SMCHD1: variants seen among roughly 807,000 people sequenced by gnomAD.
SMCHD1 encodes the protein structural maintenance of chromosomes flexible hinge domain containing 1.
SMCHD1 carries 78 observed loss-of-function variants against 254.7 expected under a neutral mutation model. The ratio of observed to expected loss-of-function variants is 0.31; its 90% CI spans 0.26 to 0.37. The LOEUF (loss-of-function observed/expected upper bound fraction) is 0.37, where lower values mean the gene tolerates loss of function less well. Among genes scored for constraint, SMCHD1 ranks in the 10% least tolerant of loss-of-function variants. The pLI is 1.00. For synonymous variants in SMCHD1, 766 were observed against 794.9 expected, an observed-to-expected ratio of 0.96 and a Z score of 0.61; for missense variants, 1,840 against 2,408.1, an observed-to-expected ratio of 0.76 and a Z score of 4.94.
At chr18:2,658,261 C>T (rs183135434) in intron 1 of SMCHD1, among the ~76,000 whole-genome samples, 172 of 152,246 alleles carry the variant, frequency 1.1e-3, no homozygotes, top group African/African-American at 4.0e-3. Context: ...TGCACTATTT[C>T]CCTCTCGTGA....
intron 29 of SMCHD1, among the ~76,000 whole-genome samples, chr18:2,744,940 TTCAAGCGATTA>T (rs1392942468): frequency 1.3e-5 from 2 of 152,080 alleles, no homozygotes; most frequent in Admixed American, 6.6e-5. Context: ...ACCTCCTGGG[TTCAAGCGATTA>T]TCCTGCCTCA....
At chr18:2,784,022 G>A (rs956507745) in intron 44 of SMCHD1, among the ~76,000 whole-genome samples, 13 of 152,096 alleles carry the variant, frequency 8.5e-5, no homozygotes, top group Non-Finnish European at 1.8e-4. Flanking sequence ...AGTCAGTCTA[G>A]TGCTTTCCAG....
Position 2,803,005 on chromosome 18 carries a change from T to TC in SMCHD1, c.*454dup, listed in dbSNP as rs2076391457. On this transcript the variant is annotated 3_prime_UTR_variant, in exon 48 of 48. Coordinates refer to ENST00000320876, the MANE Select transcript of SMCHD1 (RefSeq NM_015295.3). ...GTTTTGTCTTTTGTGTAAGGGAGGTTCTAGAGGCTAGATGTTTAATTGTAA... is the reference window on the plus strand; with the variant it reads ...GTTTTGTCTTTTGTGTAAGGGAGGTTCCTAGAGGCTAGATGTTTAATTGTAA... 6.6e-6 allele frequency: 1 copy of TC among 152,260 alleles called. No homozygotes were observed. Among genetic ancestry groups the TC allele is most frequent in the South Asian group, 2.1e-4 (1 of 4,826 alleles). 9.4% of individuals were successfully genotyped at this position (152,260 alleles called of 1,614,324 possible).
intron 17 of SMCHD1, among the ~76,000 whole-genome samples, chr18:2,716,632 T>C (rs914490079): frequency 2.0e-5 from 3 of 152,124 alleles, no homozygotes; most frequent in Non-Finnish European, 2.9e-5. Context: ...TGCAAGGCAG[T>C]TCTCAGGCCC....
chr18:2,735,849 TCA>T (rs1293813343), intron 25 of SMCHD1, among the ~76,000 whole-genome samples: 1 of 152,216 alleles, frequency 6.6e-6, no homozygotes, highest in Non-Finnish European at 1.5e-5. Context: ...ATCTACAGAT[TCA>T]GTGTTGTTCC....
chr18:2,751,762 G>A (rs2075577111), intron 33 of SMCHD1, among the ~76,000 whole-genome samples: 1 of 151,860 alleles, frequency 6.6e-6, no homozygotes, highest in Non-Finnish European at 1.5e-5. Context: ...AGAGTTAGAG[G>A]GTCTAGAACA....
intron 47 of SMCHD1, among the ~76,000 whole-genome samples, chr18:2,798,262 T>C (rs991539972): frequency 6.6e-6 from 1 of 152,234 alleles, no homozygotes; most frequent in African/African-American, 2.4e-5. Context: ...TTTAAGTTCA[T>C]TGATATCTCT....
intron 2 of SMCHD1, 103 bp downstream of exon 2, chr18:2,666,335 CTT>C (rs1404383613): frequency 1.8e-6 from 1 of 571,124 alleles, no homozygotes; most frequent in South Asian, 2.6e-5. Context: ...CTGTTGATGA[CTT>C]TTGTTAATTT....
At chr18:2,662,501 C>T (rs577180869) in intron 1 of SMCHD1, among the ~76,000 whole-genome samples, 127 of 151,338 alleles carry the variant, frequency 8.4e-4, no homozygotes, top group Non-Finnish European at 1.2e-3. Context: ...AAAAATTAGC[C>T]AGGTGTGGTG....
rs533052519 is a variant in SMCHD1 at position 2,745,925 on chromosome 18, C to A, written c.3802-1597C>A. On this transcript the variant is annotated intron_variant, in intron 29 of 47. Coordinates refer to ENST00000320876, the MANE Select transcript of SMCHD1 (RefSeq NM_015295.3). ...CTAATTTAATTGCTGACCCACCTTC[C>A]CCCTGATAGGATCTGTGCAGAGAGG... Among the ~76,000 whole-genome samples the A allele has an allele frequency of 2.0e-5, 3 of 152,210 alleles. No individual in the cohort carries two copies. The East Asian group carries it at 5.8e-4, about 29-fold the overall frequency.
At chr18:2,696,214 T>G (rs879779048) in intron 8 of SMCHD1, among the ~76,000 whole-genome samples, 14 of 152,138 alleles carry the variant, frequency 9.2e-5, no homozygotes, top group Non-Finnish European at 1.3e-4. Context: ...TAGGGTAAGA[T>G]TGTCTCAGTG....
At position 2,784,621 on chromosome 18, in the gene SMCHD1, G is replaced by A. The variant is rs761853422; in HGVS notation, c.5719G>A (p.Asp1907Asn). 2 of 1,571,190 alleles carry A rather than the reference G, an allele frequency of 1.3e-6. No homozygotes were observed. The highest frequency in any genetic ancestry group is 2.0e-5 in the Admixed American group (1 of 49,976). The stretch of plus-strand genomic sequence containing the variant: ...GTGTCTGATCTTAGGGGAACAAATA[G>A]GTAAGTTGAATAAGTACTTAAATAG... ...KQCLILGEQI[D>N]LLQQYRSAVC... Residue 1907 changes from aspartate to asparagine, a missense_variant and splice_region_variant, in exon 45 of 48, where the codon GAT (aspartate) becomes AAT (asparagine). Transcript: ENST00000320876.
rs1251554237 is a variant in SMCHD1, at chr18:2,743,613, C to A, written c.3634-148C>A. 4.6e-5 allele frequency: 21 copies of A among 458,474 alleles called. No homozygotes were observed. In the Admixed American group the frequency reaches 7.8e-4, roughly 17 times the overall value. The allele number at this position is 458,474 out of a possible 1,614,324, so 28.4% of individuals were successfully genotyped here. ...TCTTGAAAATAAAATGCATGGCATG[C>A]CATTATTGCATGGGTGCTATTTATT... On this transcript the variant is annotated intron_variant, in intron 28 of 47. Coordinates refer to ENST00000320876, the MANE Select transcript of SMCHD1 (RefSeq NM_015295.3).
chr18:2,688,698 A>C lies in SMCHD1; in HGVS notation c.824A>C (p.Lys275Thr). Residue 275 changes from lysine (K) to threonine (T), a missense_variant, in exon 7 of 48, where the codon AAG becomes ACG. Lys to Thr is a moderately conservative substitution (Grantham distance 78). Transcript: ENST00000320876. ...CTTTCTAAAGAAGATTTTGAGAAGA[A>C]GGAGAAAAATAAAGAGGCAATATAT... ...LVLSKEDFEK[K>T]EKNKEAIYSG... is the part of the protein sequence containing the mutation. 1 of 1,525,516 alleles carries C rather than the reference A, an allele frequency of 6.6e-7. No homozygotes were observed. The highest frequency in any genetic ancestry group is 2.4e-5 in the East Asian group (1 of 41,588). 94.5% of individuals were successfully genotyped at this position (1,525,516 alleles called of 1,614,324 possible). A position where few individuals can be genotyped will look rare whatever the true frequency, so the allele number is the denominator to read the frequency against.
At chr18:2,762,082 G>A (rs1465167592) in intron 35 of SMCHD1, 23 bp from the exon 36 acceptor site, 1 of 1,607,430 alleles carries the variant, frequency 6.2e-7, no homozygotes, top group South Asian at 1.1e-5. Context: ...TTGTTAATCA[G>A]AATGTCTCTT....
chr18:2,693,240 T>G (rs1464058299), intron 7 of SMCHD1, among the ~76,000 whole-genome samples: 1 of 152,192 alleles, frequency 6.6e-6, no homozygotes, highest in Non-Finnish European at 1.5e-5. Context: ...TTATAATGTA[T>G]ATAGCAACAT....
chr18:2,700,992 G>A (rs376901075), intron 12 of SMCHD1, 74 bp downstream of exon 12: 2 of 1,141,132 alleles, frequency 1.8e-6, no homozygotes, highest in African/African-American at 1.5e-5. Context: ...CACTAGCAGT[G>A]TAGGTTTTTA....
Position 2,712,508 on chromosome 18 carries a change from C to T in SMCHD1, c.2260+4588C>T, listed in dbSNP as rs986427756. 5.9e-5 allele frequency among the ~76,000 whole-genome samples: 9 copies of T among 152,234 alleles called. No homozygotes were observed. In the East Asian group the frequency reaches 1.2e-3, roughly 20 times the overall value. On this transcript the variant is annotated intron_variant, in intron 17 of 47. Transcript: ENST00000320876. The stretch of plus-strand genomic sequence containing the variant: ...AATGCAGATTGAAAATACGTTTTTG[C>T]GGGATTTGAAACCCACATAAACAGA...
intron 12 of SMCHD1, among the ~76,000 whole-genome samples, chr18:2,701,991 C>T (rs947699331): frequency 4.6e-5 from 7 of 151,834 alleles, no homozygotes; most frequent in Admixed American, 2.6e-4. Flanking sequence ...CCGAGAAAGA[C>T]CTTATCAAAA....
Sources: allele counts gnomAD v4.1 joint callset (sites outside exome capture counted in the v4.1 genomes callset), GRCh38; gene constraint gnomAD v4.1.1; transcripts MANE v1.5; gene names NCBI Gene and HGNC (gene_info 2026-07-23, HGNC 2026-07-21).